GABRB2: variants seen among roughly 807,000 people sequenced by gnomAD.
GABRB2 encodes gamma-aminobutyric acid type A receptor subunit beta2.
In GABRB2, 16 loss-of-function variants were observed where a neutral mutation model predicts 54.7. That is an observed-to-expected ratio of 0.29 (90% confidence interval 0.20 to 0.44). The LOEUF (loss-of-function observed/expected upper bound fraction) is 0.44. GABRB2 is among the 20% of genes least tolerant of loss of function. The pLI, the probability that GABRB2 is intolerant of heterozygous loss-of-function variation, is 1.00. For synonymous variants in GABRB2, 244 were observed against 233.8 expected, an observed-to-expected ratio of 1.04 and a Z score of -0.40; for missense variants, 355 against 644.0, an observed-to-expected ratio of 0.55 and a Z score of 4.86.
intron 4 of GABRB2, among the ~76,000 whole-genome samples, chr5:161,445,087 T>C (rs1757578699): frequency 6.6e-6 from 1 of 152,266 alleles, no homozygotes; most frequent in South Asian, 2.1e-4. Context: ...ATTTTTTAAA[T>C]TGGCTCTTGT....
rs545859246 is a variant in GABRB2 at position 161,502,582 on chromosome 5, T to C, written c.237+42645A>G. The stretch of plus-strand genomic sequence containing the variant: ...GTATGAAATATATGAATCAATTGTG[T>C]TTAAGTATTGAACATCAGACAGCCC... On this transcript the variant is annotated intron_variant, in intron 3 of 9. Transcript: ENST00000393959. 1.4e-4 allele frequency among the ~76,000 whole-genome samples: 22 copies of C among 152,248 alleles called. No individual in the cohort carries two copies. In the South Asian group the frequency reaches 4.6e-3, roughly 32 times the overall value.
rs540724148 is a variant in GABRB2 at position 161,488,583 on chromosome 5, T to A, written c.238-28739A>T. Among the ~76,000 whole-genome samples the A allele has an allele frequency of 7.2e-5, 11 of 151,934 alleles. No individual in the cohort carries two copies. In the South Asian group the frequency reaches 2.3e-3, roughly 31 times the overall value. On this transcript the variant is annotated intron_variant, in intron 3 of 9. Coordinates refer to ENST00000393959, the MANE Select transcript of GABRB2 (RefSeq NM_001371727.1). ...ATTATTGGCTTTTGATTACAGAATG[T>A]TTTAAAGAAATCTCCCAGTTATAAA...
At chr5:161,311,993 G>A (rs1757882296) in intron 9 of GABRB2, among the ~76,000 whole-genome samples, 1 of 151,518 alleles carries the variant, frequency 6.6e-6, no homozygotes, top group Non-Finnish European at 1.5e-5. Context: ...TTTGGTAAAG[G>A]GTAGAAGAGT....
At chr5:161,467,360 C>T (rs372036945) in intron 3 of GABRB2, among the ~76,000 whole-genome samples, 6 of 152,142 alleles carry the variant, frequency 3.9e-5, no homozygotes, top group East Asian at 1.9e-4. Flanking sequence ...CTTTCACTTA[C>T]GCTATATCAA....
intron 3 of GABRB2, among the ~76,000 whole-genome samples, chr5:161,479,674 C>A (rs1045407878): frequency 2.0e-5 from 3 of 148,104 alleles, no homozygotes; most frequent in African/African-American, 7.5e-5. Flanking sequence ...ACAGCAACTT[C>A]CGCCTCCCAG....
At chr5:161,309,040 C>T (rs181365335) in intron 9 of GABRB2, among the ~76,000 whole-genome samples, 115 of 152,188 alleles carry the variant, frequency 7.6e-4, no homozygotes, top group African/African-American at 2.4e-3. Context: ...AGCTCCTGCA[C>T]GGCAAACAAA....
intron 3 of GABRB2, among the ~76,000 whole-genome samples, chr5:161,486,446 T>C (rs1006472232): frequency 6.6e-6 from 1 of 151,948 alleles, no homozygotes; most frequent in Non-Finnish European, 1.5e-5. Context: ...GTAAGGCACG[T>C]TGTCAACAAT....
At chr5:161,546,443 T>A in intron 1 of GABRB2, 30 bp from the exon 2 acceptor site, 1 of 1,601,370 alleles carries the variant, frequency 6.2e-7, no homozygotes, top group Non-Finnish European at 8.6e-7. Context: ...TAAGCAGGCA[T>A]CAATAAGGAA....
At chr5:161,301,593 T>C (rs1000517256) in intron 9 of GABRB2, among the ~76,000 whole-genome samples, 2 of 152,132 alleles carry the variant, frequency 1.3e-5, no homozygotes, top group Non-Finnish European at 2.9e-5. Flanking sequence ...TTGTTAGTAG[T>C]TGAAACAAGA....
intron 4 of GABRB2, among the ~76,000 whole-genome samples, chr5:161,412,444 T>G (rs890442438): frequency 2.6e-5 from 4 of 152,168 alleles, no homozygotes; most frequent in Non-Finnish European, 5.9e-5. Context: ...ACATCCCCGA[T>G]GCCTTACATC....
intron 4 of GABRB2, among the ~76,000 whole-genome samples, chr5:161,448,660 A>G (rs1757705039): frequency 1.3e-5 from 2 of 152,290 alleles, no homozygotes; most frequent in Middle Eastern, 3.4e-3. Context: ...ACATGGTTGT[A>G]TAACTGTGAA....
intron 3 of GABRB2, among the ~76,000 whole-genome samples, chr5:161,468,042 A>C (rs947299414): frequency 1.3e-5 from 2 of 152,076 alleles, no homozygotes; most frequent in East Asian, 3.9e-4. Context: ...TTTATTTCCA[A>C]ATATTGTCAC....
intron 4 of GABRB2, among the ~76,000 whole-genome samples, chr5:161,445,450 C>G (rs1757590336): frequency 6.6e-6 from 1 of 151,472 alleles, no homozygotes; most frequent in Non-Finnish European, 1.5e-5. Flanking sequence ...CTGAATGGAT[C>G]CCTCCTCTCA....
intron 5 of GABRB2, among the ~76,000 whole-genome samples, chr5:161,408,149 A>T (rs1756400327): frequency 6.6e-6 from 1 of 152,044 alleles, no homozygotes; most frequent in Admixed American, 6.6e-5. Flanking sequence ...CTGAAATATG[A>T]AAGGCTCCAA....
Position 161,437,413 on chromosome 5 carries a change from G to A in GABRB2, c.458+22211C>T, listed in dbSNP as rs116258729. Among the ~76,000 whole-genome samples, 195 of 152,144 alleles carry A rather than the reference G, an allele frequency of 1.3e-3. 1 individual carries two copies. Among genetic ancestry groups the A allele is most frequent in the African/African-American group, 4.3e-3 (177 of 41,520 alleles). ...ATCCTGGGACAGAAGGGAATACCTC[G>A]CCTTGAAGGAAAAGACCCAGTCCTG... On this transcript the variant is annotated intron_variant, in intron 4 of 9. Transcript: ENST00000393959.
At position 161,482,056 on chromosome 5, in the gene GABRB2, G is replaced by A. The variant is rs562187236; in HGVS notation, c.238-22212C>T. Among the ~76,000 whole-genome samples, 4 of 152,090 alleles carry A rather than the reference G, an allele frequency of 2.6e-5. No homozygotes were observed. The South Asian group carries it at 8.3e-4, about 32-fold the overall frequency. On this transcript the variant is annotated intron_variant, in intron 3 of 9. Transcript: ENST00000393959. ...CACAGCCACTTCAAGGCTGGCTGGG[G>A]ACAGACCCTAGTGCATGGGATTCCC...
chr5:161,546,390 G>T lies in GABRB2; in HGVS notation c.101C>A (p.Ser34Ter). Reference protein sequence around the residue: ...AQSVNDPSNMSLVKETVDRLL... With the variant: ...AQSVNDPSNM ...TCTATCCACCGTCTCTTTAACCAGC[G>T]ACATATTACTAGGGTCATTGACACT... Residue 34 changes from serine to a stop codon, truncating the protein, a stop_gained, in exon 2 of 10, where the codon TCG becomes TAG. Transcript: ENST00000393959. LOFTEE classifies it high-confidence loss of function. 6.2e-7 allele frequency: 1 copy of T among 1,614,052 alleles called. No individual in the cohort carries two copies. Among genetic ancestry groups the T allele is most frequent in the Non-Finnish European group, 8.5e-7 (1 of 1,179,930 alleles).
chr5:161,313,507 T>C (rs4921389), intron 9 of GABRB2, among the ~76,000 whole-genome samples: 8,336 of 151,754 alleles, frequency 0.055, 371 homozygotes, highest in African/African-American at 0.11. Flanking sequence ...TTCTGATTAA[T>C]GATTCAAAAA....
chr5:161,500,442 C>A (rs532026223), intron 3 of GABRB2, among the ~76,000 whole-genome samples: 6 of 152,154 alleles, frequency 3.9e-5, no homozygotes, highest in Middle Eastern at 6.8e-3. Context: ...TTGATTGTTA[C>A]CAGGATAAAA....
Sources: allele counts gnomAD v4.1 joint callset (sites outside exome capture counted in the v4.1 genomes callset), GRCh38; gene constraint gnomAD v4.1.1; transcripts MANE v1.5; gene names NCBI Gene and HGNC (gene_info 2026-07-23, HGNC 2026-07-21).